CLN8: variants seen among roughly 807,000 people sequenced by gnomAD.
The protein encoded by CLN8 is CLN8 transmembrane ER and ERGIC protein.
A neutral mutation model predicts 15.7 loss-of-function variants in CLN8; 14 were observed. The observed-to-expected ratio is 0.89, with a 90% confidence interval of 0.59 to 1.39. The LOEUF is 1.39. CLN8 is among the 40% of genes most tolerant of loss of function. The pLI is 0.00. For synonymous variants in CLN8, 188 were observed against 151.0 expected, an observed-to-expected ratio of 1.25 and a Z score of -1.80; for missense variants, 415 against 364.0, an observed-to-expected ratio of 1.14 and a Z score of -1.14.
chr8:1,764,423 G>A (rs1800959719), intron 1 of CLN8: 1 of 152,362 alleles, frequency 6.6e-6, no homozygotes, highest in Non-Finnish European at 1.5e-5. Context: ...GGGCAAGTAC[G>A]GTCAGCTCAC....
rs960294203 is a variant in CLN8 at position 1,781,778 on chromosome 8, C to T, written c.*1211C>T. 1.3e-5 allele frequency: 2 copies of T among 152,144 alleles called. No individual in the cohort carries two copies. The highest frequency in any genetic ancestry group is 4.8e-5 in the African/African-American group (2 of 41,416). The allele number at this position is 152,144 out of a possible 1,614,324, so 9.4% of individuals were successfully genotyped here. ...TTTTCTCCCTGAGCTGTAGGGTGGA[C>T]CTGGACCCCTCAGAGATGCTCGACT... On this transcript the variant is annotated 3_prime_UTR_variant, in exon 3 of 3. Transcript: ENST00000331222.
upstream of CLN8, among the ~76,000 whole-genome samples, chr8:1,754,840 C>G (rs754701779): frequency 1.2e-4 from 19 of 152,200 alleles, no homozygotes; most frequent in Non-Finnish European, 2.8e-4. Flanking sequence ...CTGGGTTCAG[C>G]TGCTCACCTG....
At chr8:1,761,514 G>C (rs1381457095), upstream of CLN8, among the ~76,000 whole-genome samples, 2 of 152,160 alleles carry the variant, frequency 1.3e-5, no homozygotes, top group Non-Finnish European at 2.9e-5. Flanking sequence ...TAGTAGAGAC[G>C]GGGTTTTGCC....
upstream of CLN8, chr8:1,763,303 T>C (rs888744357): frequency 8.3e-6 from 1 of 120,842 alleles, no homozygotes; most frequent in Non-Finnish European, 1.8e-5. Context: ...ACCGCCCCCA[T>C]GCCGCCGCCC....
At chr8:1,773,007 A>T (rs529972989) in intron 2 of CLN8, 2 of 398,456 alleles carry the variant, frequency 5.0e-6, no homozygotes, top group Non-Finnish European at 8.8e-6. Context: ...ATATCAGTCC[A>T]TCAAAAGTGC....
chr8:1,766,601 C>T (rs1017179884), intron 1 of CLN8, among the ~76,000 whole-genome samples: 2 of 151,926 alleles, frequency 1.3e-5, no homozygotes, highest in Non-Finnish European at 2.9e-5. Context: ...CCATGTTAGC[C>T]AGGATGGTCT....
At chr8:1,770,128 T>A (rs111520013) in intron 1 of CLN8, among the ~76,000 whole-genome samples, 10,611 of 152,204 alleles carry the variant, frequency 0.07, 463 homozygotes, top group Non-Finnish European at 0.1. Context: ...CAGGAGCTTG[T>A]AGCAAAGGTA....
chr8:1,756,499 A>C (rs1800673695), intron 1 of CLN8, among the ~76,000 whole-genome samples: 1 of 151,518 alleles, frequency 6.6e-6, no homozygotes, highest in Admixed American at 6.6e-5. Context: ...AAAAAAAAGA[A>C]ATTTCACTAA....
upstream of CLN8, chr8:1,760,160 G>A (rs1800758676): frequency 6.6e-6 from 1 of 152,146 alleles, no homozygotes; most frequent in Non-Finnish European, 1.5e-5. Context: ...TGCACACATT[G>A]CTAACCTCAG....
upstream of CLN8, chr8:1,762,416 A>G (rs189588120): frequency 6.6e-6 from 1 of 152,000 alleles, no homozygotes; most frequent in African/African-American, 2.4e-5. Context: ...TGGGTTGTTG[A>G]TTTTAAAACG....
upstream of CLN8, among the ~76,000 whole-genome samples, chr8:1,753,833 C>A (rs1014534652): frequency 6.6e-6 from 1 of 151,566 alleles, no homozygotes; most frequent in Non-Finnish European, 1.5e-5. Flanking sequence ...TTGCACTGAG[C>A]TGAGATCGCG....
chr8:1,779,388 G>T lies in CLN8; in HGVS notation c.544-862G>T, dbSNP rs370489162. On this transcript the variant is annotated intron_variant, in intron 2 of 2. Coordinates refer to ENST00000331222, the MANE Select transcript of CLN8 (RefSeq NM_018941.4). Reference sequence around the variant, plus strand: ...TTCCCAAATTAGCTGGGATTACATGGTGCGCCACCATGCCTGGCTAATTTT... The same window carrying T: ...TTCCCAAATTAGCTGGGATTACATGTTGCGCCACCATGCCTGGCTAATTTT... 3.3e-5 allele frequency among the ~76,000 whole-genome samples: 5 copies of T among 152,120 alleles called. No individual in the cohort carries two copies. The South Asian group carries it at 1.0e-3, about 31-fold the overall frequency.
At chr8:1,775,900 A>G (rs1019089628) in intron 2 of CLN8, among the ~76,000 whole-genome samples, 1 of 152,240 alleles carries the variant, frequency 6.6e-6, no homozygotes, top group African/African-American at 2.4e-5. Flanking sequence ...CATAACAAAG[A>G]CGATTCTCAG....
intron 1 of CLN8, among the ~76,000 whole-genome samples, chr8:1,765,859 C>G (rs1460771267): frequency 6.6e-6 from 1 of 152,170 alleles, no homozygotes; most frequent in Admixed American, 6.5e-5. Context: ...CCTAGAAAGT[C>G]AAGTGATTGT....
chr8:1,755,240 G>A (rs1800641052), upstream of CLN8, among the ~76,000 whole-genome samples: 2 of 152,196 alleles, frequency 1.3e-5, no homozygotes, highest in Non-Finnish European at 2.9e-5. Context: ...TAGACTAACA[G>A]ATGGGTTAGT....
At chr8:1,769,379 A>G (rs144694991) in intron 1 of CLN8, among the ~76,000 whole-genome samples, 2 of 152,242 alleles carry the variant, frequency 1.3e-5, no homozygotes, top group African/African-American at 4.8e-5. Flanking sequence ...GGCTCCTCCT[A>G]TGCTTCTGGC....
At chr8:1,761,381 G>C (rs1447726627), upstream of CLN8, among the ~76,000 whole-genome samples, 3 of 152,178 alleles carry the variant, frequency 2.0e-5, no homozygotes, top group Admixed American at 2.0e-4. Context: ...CTGGAGTGCA[G>C]TGGTGCGATT....
At chr8:1,764,177 C>T (rs1800943203) in intron 1 of CLN8, 1 of 152,308 alleles carries the variant, frequency 6.6e-6, no homozygotes, top group Non-Finnish European at 1.5e-5. Flanking sequence ...GGTCCCAGCC[C>T]TGCCTTCCGG....
At chr8:1,772,626 TTG>T (rs568342994) in intron 2 of CLN8, among the ~76,000 whole-genome samples, 5,292 of 146,694 alleles carry the variant, frequency 0.036, 336 homozygotes, top group African/African-American at 0.12. Flanking sequence ...CCTAGCTAAT[TTG>T]TGTGTGTGTG....
Sources: gnomAD v4.1 joint callset for allele counts (sites outside exome capture counted in the v4.1 genomes callset) on GRCh38, gnomAD v4.1.1 for gene constraint, MANE v1.5 for transcripts, NCBI Gene and HGNC (gene_info 2026-07-23, HGNC 2026-07-21) for gene names.